Variants in ANKRD45 observed in about 807,000 individuals in gnomAD.
ANKRD45 encodes ankyrin repeat domain-containing protein 45.
In ANKRD45, 21 loss-of-function variants were observed where a neutral mutation model predicts 28.1. The ratio of observed to expected loss-of-function variants is 0.75; its 90% CI spans 0.53 to 1.08. ANKRD45 has a LOEUF of 1.08. ANKRD45 is among the 50% of genes least tolerant of loss of function. The pLI is 0.00. For synonymous variants in ANKRD45, 86 were observed against 103.9 expected, an observed-to-expected ratio of 0.83 and a Z score of 1.05; for missense variants, 261 against 308.7, an observed-to-expected ratio of 0.85 and a Z score of 1.16.
intron 3 of ANKRD45, among the ~76,000 whole-genome samples, chr1:173,641,020 C>G (rs1171310318): frequency 6.6e-6 from 1 of 152,124 alleles, no homozygotes; most frequent in Non-Finnish European, 1.5e-5. Flanking sequence ...GAAAGACCCC[C>G]TAGGCATTTT....
the ANKRD45 span, among the ~76,000 whole-genome samples, chr1:173,687,875 T>C: frequency 6.6e-6 from 1 of 152,306 alleles, no homozygotes; most frequent in South Asian, 2.1e-4. Flanking sequence ...CATCCTGTCC[T>C]GAAGGGAGTT....
Position 173,666,761 on chromosome 1 carries a change from AT to A in ANKRD45, c.-16+3055del, listed in dbSNP as rs894289588. ...CTAACACAAATAGCATTTAAAAAAA[AT>A]TTTTTTTTTAGACAAGATCTCACTC... On this transcript the variant is annotated intron_variant, in intron 1 of 5. Coordinates refer to ENST00000333279, the MANE Select transcript of ANKRD45 (RefSeq NM_198493.3). Among the ~76,000 whole-genome samples the A allele has an allele frequency of 1.1e-4, 17 of 150,362 alleles. No individual in the cohort carries two copies. In the East Asian group the frequency reaches 2.0e-3, roughly 17 times the overall value.
chr1:173,684,757 T>C, the ANKRD45 span, among the ~76,000 whole-genome samples: 2 of 152,346 alleles, frequency 1.3e-5, no homozygotes, highest in East Asian at 3.9e-4. Context: ...TTTCTGCTAA[T>C]ATCATGTTTA....
At chr1:173,634,264 C>A (rs1044232825) in intron 3 of ANKRD45, among the ~76,000 whole-genome samples, 1 of 151,862 alleles carries the variant, frequency 6.6e-6, no homozygotes, top group Non-Finnish European at 1.5e-5. Flanking sequence ...AAATGCAAAT[C>A]AAAACTACAA....
At chr1:173,655,858 G>T (rs982574239) in intron 2 of ANKRD45, among the ~76,000 whole-genome samples, 2 of 152,218 alleles carry the variant, frequency 1.3e-5, no homozygotes, top group Admixed American at 1.3e-4. Context: ...GTCAATCTCA[G>T]ACTGATGTGC....
chr1:173,675,659 A>T, the ANKRD45 span, among the ~76,000 whole-genome samples: 1 of 152,164 alleles, frequency 6.6e-6, no homozygotes, highest in Non-Finnish European at 1.5e-5. Context: ...TCCAAACTGT[A>T]GAAAATAATA....
chr1:173,609,998 C>T lies in ANKRD45; in HGVS notation c.*147G>A. The T allele has an allele frequency of 1.3e-6, 1 of 789,914 alleles. No individual in the cohort carries two copies. The highest frequency in any genetic ancestry group is 2.1e-6 in the Non-Finnish European group (1 of 485,770). The allele number at this position is 789,914 out of a possible 1,614,324, so 48.9% of individuals were successfully genotyped here. ...AGGCCAGAGTCCGGACATAAGCATG[C>T]TGAACAGGTCAAACAAAACAAGGGC... is the stretch of plus-strand genomic sequence containing the variant. On this transcript the variant is annotated 3_prime_UTR_variant, in exon 6 of 6. Coordinates refer to ENST00000333279, the MANE Select transcript of ANKRD45 (RefSeq NM_198493.3).
intron 5 of ANKRD45, 94 bp from the exon 6 acceptor site, chr1:173,610,309 T>TA (rs1450250394): frequency 8.2e-7 from 1 of 1,212,850 alleles, no homozygotes; most frequent in Non-Finnish European, 1.2e-6. Flanking sequence ...TGGAATAAAT[T>TA]AGATTGTCCC....
chr1:173,669,997 G>A (rs1670200978), upstream of ANKRD45: 1 of 166,048 alleles, frequency 6.0e-6, no homozygotes, highest in South Asian at 2.0e-4. Flanking sequence ...GTGGCGTGTC[G>A]GTTTTTTCTT....
chr1:173,611,696 C>G (rs1284248898), intron 5 of ANKRD45, among the ~76,000 whole-genome samples: 1 of 151,374 alleles, frequency 6.6e-6, no homozygotes, highest in Non-Finnish European at 1.5e-5. Context: ...CAGAAGAAAA[C>G]ATAGAATTAA....
chr1:173,653,499 A>G lies in ANKRD45; in HGVS notation c.328+5592T>C, dbSNP rs556544427. Among the ~76,000 whole-genome samples, 531 of 152,286 alleles carry G rather than the reference A, an allele frequency of 3.5e-3. 2 individuals are homozygous for G. Among genetic ancestry groups the G allele is most frequent in the African/African-American group, 0.012 (504 of 41,556 alleles). On this transcript the variant is annotated intron_variant, in intron 2 of 5. Transcript: ENST00000333279. The stretch of plus-strand genomic sequence containing the variant: ...GATTTTAGTTCTTTTACATTTGCTC[A>G]GGAGTGCTTTACTTCCAACTATGTG...
the ANKRD45 span, among the ~76,000 whole-genome samples, chr1:173,707,339 CTT>C: frequency 7.7e-5 from 11 of 142,696 alleles, no homozygotes; most frequent in African/African-American, 7.7e-5. Flanking sequence ...AGTGTTTCTC[CTT>C]TTTTTTTTTT....
At chr1:173,625,720 A>G (rs543442492) in intron 4 of ANKRD45, among the ~76,000 whole-genome samples, 1 of 150,286 alleles carries the variant, frequency 6.7e-6, no homozygotes, top group East Asian at 1.9e-4. Flanking sequence ...AATAATATAT[A>G]TAAGTGTGAT....
At chr1:173,681,692 CAAAT>C in the ANKRD45 span, among the ~76,000 whole-genome samples, 1 of 151,968 alleles carries the variant, frequency 6.6e-6, no homozygotes, top group Non-Finnish European at 1.5e-5. Flanking sequence ...AGGTGAAAAT[CAAAT>C]AGAAAAATTT....
chr1:173,620,693 T>C (rs986322512), intron 5 of ANKRD45, among the ~76,000 whole-genome samples: 1 of 151,798 alleles, frequency 6.6e-6, no homozygotes, highest in Non-Finnish European at 1.5e-5. Flanking sequence ...TGTATACATA[T>C]GTAACTAACC....
chr1:173,655,364 G>A (rs1166818021), intron 2 of ANKRD45, among the ~76,000 whole-genome samples: 1 of 152,180 alleles, frequency 6.6e-6, no homozygotes, highest in Admixed American at 6.5e-5. Context: ...CTCAGCTGCA[G>A]GTCTGTTGGA....
At position 173,627,133 on chromosome 1, in the gene ANKRD45, TA is replaced by T; in HGVS notation, c.522del (p.Tyr174Ter). 1 of 1,612,952 alleles carries T rather than the reference TA, an allele frequency of 6.2e-7. No homozygotes were observed. Among genetic ancestry groups the T allele is most frequent in the South Asian group, 1.1e-5 (1 of 91,022 alleles). ...WADARLTLKK[Y>X]IAKVSLAVTD... ...GTAACAGCTAAAGAGACTTTTGCAA[TA>T]TATTTTTTCAGAGTCAGCCTTGCAT... On this transcript the variant is annotated frameshift_variant, in exon 4 of 6. Transcript: ENST00000333279. LOFTEE classifies it high-confidence loss of function.
At chr1:173,697,150 G>T in the ANKRD45 span, among the ~76,000 whole-genome samples, 1 of 152,202 alleles carries the variant, frequency 6.6e-6, no homozygotes, top group Non-Finnish European at 1.5e-5. Context: ...AAGCCTCCAA[G>T]AAATATGGGA....
chr1:173,630,964 T>G (rs1668173088), intron 3 of ANKRD45, among the ~76,000 whole-genome samples: 3 of 150,780 alleles, frequency 2.0e-5, no homozygotes. Flanking sequence ...CAGGAATAAG[T>G]CCTTACTTAT....
Sources: gnomAD v4.1 joint callset for allele counts (sites outside exome capture counted in the v4.1 genomes callset) on GRCh38, gnomAD v4.1.1 for gene constraint, MANE v1.5 for transcripts, NCBI Gene and HGNC (gene_info 2026-07-23, HGNC 2026-07-21) for gene names.